Variants in NCSTN observed in about 807,000 individuals in gnomAD.
The protein encoded by NCSTN is anterior pharynx-defective 2.
A neutral mutation model predicts 87.0 loss-of-function variants in NCSTN; 22 were observed. The observed-to-expected ratio is 0.25, with a 90% CI of 0.18 to 0.36. The LOEUF (loss-of-function observed/expected upper bound fraction) is 0.36. Ranked by LOEUF, NCSTN falls within the 10% of genes least tolerant of loss-of-function variation. The pLI, the probability that NCSTN is intolerant of heterozygous loss-of-function variation, is 1.00. For missense variants in NCSTN, 693 were observed against 883.3 expected, an observed-to-expected ratio of 0.78 and a Z score of 2.73; for synonymous variants, 306 against 327.1, an observed-to-expected ratio of 0.94 and a Z score of 0.69.
At chr1:160,351,121 G>A in intron 5 of NCSTN, 101 bp from the exon 6 acceptor site, 2 of 1,223,750 alleles carry the variant, frequency 1.6e-6, no homozygotes, top group South Asian at 2.5e-5. Context: ...AAAGGGTGTG[G>A]CTCCATCCCA....
chr1:160,351,226 A>G lies in NCSTN; in HGVS notation c.587A>G (p.Tyr196Cys), dbSNP rs1281770615. 13 of 1,613,998 alleles carry G rather than the reference A, an allele frequency of 8.1e-6. No homozygotes were observed. The highest frequency in any genetic ancestry group is 4.5e-5 in the East Asian group (2 of 44,890). The change falls in exon 6 of 17, where the codon TAT becomes TGT. Residue 196 changes from tyrosine to cysteine, a missense_variant. This residue lies in a region of NCSTN where 134 missense variants were observed against 226.0 expected (regional missense o/e 0.59). Coordinates refer to ENST00000294785, the MANE Select transcript of NCSTN (RefSeq NM_015331.3). ...GGGGTCCATCTCCCCTTTCAGTGCT[A>G]TCAAGATCACAACCTGAGTCAGAAT... Reference protein sequence around the residue: ...ENETKVIKQCYQDHNLSQNGS... With the variant: ...ENETKVIKQCCQDHNLSQNGS...
intron 10 of NCSTN, 104 bp downstream of exon 10, chr1:160,353,341 A>G (rs556240302): frequency 1.9e-6 from 3 of 1,586,778 alleles, no homozygotes; most frequent in Admixed American, 1.8e-5. Flanking sequence ...AGACAGGGTA[A>G]GAGACAGGAT....
intron 1 of NCSTN, chr1:160,343,801 A>G: frequency 1.6e-6 from 1 of 608,156 alleles, no homozygotes; most frequent in Non-Finnish European, 3.2e-6. Context: ...CGAAAGGAAC[A>G]GGTGTGAAAG....
chr1:160,350,580 C>T (rs1648783282), intron 5 of NCSTN, among the ~76,000 whole-genome samples: 1 of 151,920 alleles, frequency 6.6e-6, no homozygotes, highest in South Asian at 2.1e-4. Flanking sequence ...TTCTCACATT[C>T]TTTCCCCACA....
chr1:160,353,415 A>T, intron 10 of NCSTN, 178 bp downstream of exon 10: 1 of 1,498,534 alleles, frequency 6.7e-7, no homozygotes, highest in Non-Finnish European at 8.9e-7. Context: ...AGAATCAGGA[A>T]CTCAGTGACA....
chr1:160,351,828 G>A, intron 7 of NCSTN, 23 bp downstream of exon 7: 1 of 1,566,562 alleles, frequency 6.4e-7, no homozygotes, highest in Non-Finnish European at 8.8e-7. Context: ...TTCTGATCAG[G>A]ATGGGCAGGG....
At chr1:160,344,864 T>C in intron 2 of NCSTN, 38 bp downstream of exon 2, 2 of 1,532,170 alleles carry the variant, frequency 1.3e-6, no homozygotes, top group Non-Finnish European at 1.8e-6. Flanking sequence ...GACATTGATA[T>C]TTGTCTGTGC....
At chr1:160,350,353 G>A in intron 5 of NCSTN, 103 bp downstream of exon 5, 1 of 1,344,036 alleles carries the variant, frequency 7.4e-7, no homozygotes, top group Non-Finnish European at 1.0e-6. Flanking sequence ...CCGGGAGGCT[G>A]AGACAGGAGG....
intron 11 of NCSTN, among the ~76,000 whole-genome samples, chr1:160,355,130 C>A (rs1034497401): frequency 8.5e-5 from 13 of 152,178 alleles, no homozygotes; most frequent in Non-Finnish European, 1.5e-5. Context: ...ATGGTAAAGA[C>A]TGTGGAGCTC....
chr1:160,353,075 C>T lies in NCSTN; in HGVS notation c.1101+84C>T, dbSNP rs568248629. 2.2e-5 allele frequency: 35 copies of T among 1,576,148 alleles called. No homozygotes were observed. The Admixed American group carries it at 2.5e-4, about 11-fold the overall frequency. ...CTGCGGTCTTAACTGCAGGAACCAC[C>T]GCCTCTTCCCTTGACTTCTATCCCC... is the stretch of plus-strand genomic sequence containing the variant. On this transcript the variant is annotated intron_variant, in intron 9 of 16. Transcript: ENST00000294785.
intron 6 of NCSTN, 69 bp from the exon 7 acceptor site, chr1:160,351,627 C>A (rs1648842729): frequency 1.4e-6 from 2 of 1,423,778 alleles, no homozygotes; most frequent in African/African-American, 2.8e-5. Context: ...TCAGAGATTT[C>A]CAATGTTGCC....
At position 160,353,213 on chromosome 1, in the gene NCSTN, G is replaced by C. The variant is rs1381883543; in HGVS notation, c.1155G>C (p.Gln385His). 8 of 1,614,086 alleles carry C rather than the reference G, an allele frequency of 5.0e-6. No homozygotes were observed. Among genetic ancestry groups the C allele is most frequent in the Non-Finnish European group, 6.8e-6 (8 of 1,180,006 alleles). The change falls in exon 10 of 17, where the codon CAG (glutamine) becomes CAC (histidine). Residue 385 changes from glutamine to histidine, a missense_variant. Around this residue, in one of 4 missense-constraint regions of NCSTN, gnomAD observed 108 missense variants for 111.6 expected, o/e 0.97. Transcript: ENST00000294785. The stretch of plus-strand genomic sequence containing the variant: ...GGATGCACACAGATCCTGTTTCTCA[G>C]AAAAATGAGTCTGTACGGAACCAGG... ...ELWMHTDPVS[Q>H]KNESVRNQVE...
At chr1:160,357,314 G>A in intron 16 of NCSTN, 61 bp downstream of exon 16, 2 of 1,456,450 alleles carry the variant, frequency 1.4e-6, no homozygotes. Flanking sequence ...CTGCTTTCTT[G>A]TGTCATATAG....
At chr1:160,351,094 G>A in intron 5 of NCSTN, 128 bp from the exon 6 acceptor site, 1 of 949,000 alleles carries the variant, frequency 1.1e-6, no homozygotes, top group South Asian at 1.4e-5. Flanking sequence ...CTATAGCTCA[G>A]GGATAAATGT....
intron 1 of NCSTN, chr1:160,343,881 C>T (rs781587448): frequency 1.0e-4 from 43 of 420,540 alleles, no homozygotes; most frequent in Non-Finnish European, 2.0e-4. Flanking sequence ...CTGTGCGGCG[C>T]TTAAAAGGTG....
intron 10 of NCSTN, 97 bp from the exon 11 acceptor site, chr1:160,354,021 C>T: frequency 7.7e-7 from 1 of 1,302,542 alleles, no homozygotes; most frequent in Non-Finnish European, 1.1e-6. Context: ...GCTCCCCAAG[C>T]AGGGAACTTG....
At chr1:160,349,804 G>A (rs559620766) in intron 4 of NCSTN, 134 bp downstream of exon 4, 21 of 1,311,702 alleles carry the variant, frequency 1.6e-5, no homozygotes, top group East Asian at 2.4e-5. Context: ...CAAACAGGGG[G>A]TAGTGTTTAT....
At chr1:160,354,464 T>G (rs1278673034) in intron 11 of NCSTN, among the ~76,000 whole-genome samples, 174 bp downstream of exon 11, 1 of 152,212 alleles carries the variant, frequency 6.6e-6, no homozygotes, top group Non-Finnish European at 1.5e-5. Flanking sequence ...CTTATTTGTT[T>G]GACTGGATAT....
chr1:160,344,888 T>C, intron 2 of NCSTN, 62 bp downstream of exon 2: 1 of 1,357,258 alleles, frequency 7.4e-7, no homozygotes, highest in Non-Finnish European at 1.1e-6. Flanking sequence ...AGATACTAAG[T>C]AACATCCATG....
Sources: allele counts gnomAD v4.1 joint callset (sites outside exome capture counted in the v4.1 genomes callset), GRCh38; gene constraint gnomAD v4.1.1; regional missense constraint gnomAD v4.1.1; transcripts MANE v1.5; gene names NCBI Gene and HGNC (gene_info 2026-07-23, HGNC 2026-07-21).